CD1B: variants seen among roughly 807,000 people sequenced by gnomAD.
CD1B encodes the protein T-cell surface glycoprotein CD1b.
A neutral mutation model predicts 39.8 loss-of-function variants in CD1B; 43 were observed. The ratio of observed to expected loss-of-function variants is 1.08; its 90% confidence interval spans 0.85 to 1.39. CD1B has a LOEUF of 1.39. Ranked by LOEUF, CD1B falls within the 40% of genes most tolerant of loss-of-function variation. The pLI is 0.00. For missense variants in CD1B, 495 were observed against 403.8 expected (o/e 1.23, Z -1.94); for synonymous variants, 192 against 152.5 (o/e 1.26, Z -1.91).
chr1:158,304,435 G>A, the CD1B span, among the ~76,000 whole-genome samples: 1 of 151,812 alleles, frequency 6.6e-6, no homozygotes, highest in Non-Finnish European at 1.5e-5. Context: ...GTAAACAAAG[G>A]CCAGGAAGCT....
At chr1:158,325,375 A>C (rs1177227524), downstream of CD1B, among the ~76,000 whole-genome samples, 2 of 152,170 alleles carry the variant, frequency 1.3e-5, no homozygotes, top group African/African-American at 2.4e-5. Context: ...TTGGATGCCA[A>C]AGCAGATATG....
At chr1:158,313,379 C>T in the CD1B span, among the ~76,000 whole-genome samples, 9 of 152,328 alleles carry the variant, frequency 5.9e-5, no homozygotes, top group Admixed American at 3.9e-4. Flanking sequence ...GGCACAATCA[C>T]ATCTCACCAC....
the CD1B span, among the ~76,000 whole-genome samples, chr1:158,311,065 GA>G: frequency 5.3e-5 from 8 of 152,030 alleles, no homozygotes; most frequent in African/African-American, 1.9e-4. Flanking sequence ...ATAAGAGGTG[GA>G]AAAAAATAAT....
At chr1:158,314,576 T>G in the CD1B span, among the ~76,000 whole-genome samples, 1 of 152,188 alleles carries the variant, frequency 6.6e-6, no homozygotes, top group African/African-American at 2.4e-5. Context: ...TTTTTAAATG[T>G]AAGCCTTTAT....
At chr1:158,292,565 T>A in the CD1B span, 1 of 1,603,064 alleles carries the variant, frequency 6.2e-7, no homozygotes, top group South Asian at 1.1e-5. Context: ...TGTAAGTTTC[T>A]TCATCAGAAC....
the CD1B span, among the ~76,000 whole-genome samples, chr1:158,321,802 T>C: frequency 1.3e-5 from 2 of 152,200 alleles, no homozygotes; most frequent in Non-Finnish European, 2.9e-5. Flanking sequence ...GTGCAGGATG[T>C]ATAGGCTTAT....
At chr1:158,317,147 G>A in the CD1B span, among the ~76,000 whole-genome samples, 1 of 151,934 alleles carries the variant, frequency 6.6e-6, no homozygotes, top group Non-Finnish European at 1.5e-5. Flanking sequence ...TCTCTGCCCG[G>A]CTTTGGTATC....
At chr1:158,291,909 C>T in the CD1B span, among the ~76,000 whole-genome samples, 1 of 152,076 alleles carries the variant, frequency 6.6e-6, no homozygotes, top group Non-Finnish European at 1.5e-5. Context: ...TCTTATTGTC[C>T]CCTTCCCTAT....
chr1:158,292,954 A>G, the CD1B span: 1 of 1,403,444 alleles, frequency 7.1e-7, no homozygotes. Flanking sequence ...AGGATAGCAG[A>G]CCTAGGTGAG....
chr1:158,329,234 G>T, intron 4 of CD1B, 136 bp downstream of exon 4: 2 of 1,174,462 alleles, frequency 1.7e-6, no homozygotes, highest in Non-Finnish European at 2.4e-6. Flanking sequence ...TACTCCTGTT[G>T]GGATTGGGGT....
Position 158,331,420 on chromosome 1 carries a change from G to A in CD1B, c.4C>T (p.Leu2=). M[L]LLPFQLLAVL... ...GCTAACAGTTGAAATGGCAGCAGCA[G>A]CATTTCACTGGGAGATGCAACTTCT... The change falls in exon 1 of 6, where the codon CTG becomes TTG. Residue 2 remains leucine, a synonymous_variant. Coordinates refer to ENST00000368168, the MANE Select transcript of CD1B (RefSeq NM_001764.3). 1 of 1,613,278 alleles carries A rather than the reference G, an allele frequency of 6.2e-7. No individual in the cohort carries two copies.
chr1:158,318,653 G>A, the CD1B span, among the ~76,000 whole-genome samples: 2 of 152,082 alleles, frequency 1.3e-5, no homozygotes, highest in African/African-American at 4.8e-5. Flanking sequence ...GGAGCATTTA[G>A]TCCATTTACA....
At chr1:158,328,475 C>T (rs1489800094) in intron 5 of CD1B, among the ~76,000 whole-genome samples, 1 of 152,062 alleles carries the variant, frequency 6.6e-6, no homozygotes, top group Non-Finnish European at 1.5e-5. Flanking sequence ...GGATATTACG[C>T]TAAATGAAAT....
At chr1:158,295,499 C>T in the CD1B span, among the ~76,000 whole-genome samples, 1 of 152,232 alleles carries the variant, frequency 6.6e-6, no homozygotes, top group South Asian at 2.1e-4. Flanking sequence ...AGGGACAGGA[C>T]TCCAGCTTCT....
At chr1:158,310,679 G>A in the CD1B span, among the ~76,000 whole-genome samples, 1 of 152,094 alleles carries the variant, frequency 6.6e-6, no homozygotes, top group African/African-American at 2.4e-5. Context: ...CTCAAAAGAA[G>A]ACATATACAT....
the CD1B span, among the ~76,000 whole-genome samples, chr1:158,305,125 G>A: frequency 1.3e-5 from 2 of 152,052 alleles, no homozygotes; most frequent in Non-Finnish European, 2.9e-5. Context: ...GGCATCAGAC[G>A]ATCAAACTAC....
intron 5 of CD1B, 95 bp downstream of exon 5, chr1:158,328,826 T>C (rs978114149): frequency 2.3e-6 from 2 of 882,286 alleles, no homozygotes; most frequent in African/African-American, 3.5e-5. Context: ...GGATTGAGGA[T>C]AAACAATTTT....
intron 5 of CD1B, 38 bp downstream of exon 5, chr1:158,328,883 A>T: frequency 1.4e-6 from 2 of 1,389,008 alleles, no homozygotes; most frequent in East Asian, 4.6e-5. Context: ...AACAGAAAAG[A>T]CATATTAAAA....
downstream of CD1B, among the ~76,000 whole-genome samples, chr1:158,324,411 A>T (rs911203268): frequency 6.6e-6 from 1 of 152,168 alleles, no homozygotes; most frequent in Admixed American, 6.5e-5. Flanking sequence ...GGGGGATATG[A>T]GTGGGTTACC....
Sources: gnomAD v4.1 joint callset for allele counts (sites outside exome capture counted in the v4.1 genomes callset) on GRCh38, gnomAD v4.1.1 for gene constraint, MANE v1.5 for transcripts, NCBI Gene and HGNC (gene_info 2026-07-23, HGNC 2026-07-21) for gene names.